The following CSMD3 variants were observed in gnomAD, a reference collection of about 807,000 sequenced individuals.
CSMD3 encodes the protein CUB and Sushi multiple domains 3, also known as CUB and sushi domain-containing protein 3.
CSMD3 carries 177 observed loss-of-function variants against 435.2 expected under a neutral mutation model. That is an observed-to-expected ratio of 0.41 (90% CI 0.36 to 0.46). The LOEUF is 0.46. CSMD3 is among the 20% of genes least tolerant of loss of function. CSMD3 has a pLI of 0.34. For missense variants in CSMD3, 4,265 were observed against 4,504.6 expected (o/e 0.95, Z 1.52); for synonymous variants, 1,656 against 1,520.5 (o/e 1.09, Z -2.07).
chr8:112,283,716 C>T (rs1008651140), intron 58 of CSMD3, among the ~76,000 whole-genome samples: 6 of 151,464 alleles, frequency 4.0e-5, no homozygotes, highest in African/African-American at 1.5e-4. Flanking sequence ...TTTAGTTAGG[C>T]TTGGTTTTAT....
At chr8:112,286,271 TTATCTAC>T (rs1301810837) in intron 58 of CSMD3, among the ~76,000 whole-genome samples, 1 of 152,160 alleles carries the variant, frequency 6.6e-6, no homozygotes, top group East Asian at 1.9e-4. Flanking sequence ...TAGTCTCCCC[TTATCTAC>T]TATTCTTTCC....
At chr8:112,552,284 G>A (rs2131198573) in intron 26 of CSMD3, among the ~76,000 whole-genome samples, 1 of 151,962 alleles carries the variant, frequency 6.6e-6, no homozygotes, top group Admixed American at 6.6e-5. Context: ...CCAACATTTT[G>A]AGACCAGCCT....
chr8:113,094,759 A>T (rs1285549929), intron 5 of CSMD3, among the ~76,000 whole-genome samples: 1 of 152,154 alleles, frequency 6.6e-6, no homozygotes, highest in Non-Finnish European at 1.5e-5. Flanking sequence ...ATTGTTACAA[A>T]TTATATAAAT....
At chr8:112,846,564 A>C (rs2080326688) in intron 11 of CSMD3, among the ~76,000 whole-genome samples, 1 of 151,706 alleles carries the variant, frequency 6.6e-6, no homozygotes, top group East Asian at 1.9e-4. Context: ...CACCATGCCC[A>C]CTTGGTTAAT....
intron 1 of CSMD3, among the ~76,000 whole-genome samples, chr8:113,420,295 C>T (rs569066271): frequency 6.6e-6 from 1 of 152,038 alleles, no homozygotes; most frequent in Admixed American, 6.6e-5. Flanking sequence ...TTCTCATATG[C>T]ACTTACTAAA....
At chr8:112,852,958 G>A (rs1423597551) in intron 11 of CSMD3, among the ~76,000 whole-genome samples, 1 of 151,578 alleles carries the variant, frequency 6.6e-6, no homozygotes, top group Non-Finnish European at 1.5e-5. Context: ...AGCAAGTGTT[G>A]TTCTGATTAT....
At chr8:112,311,861 G>C (rs574816600) in intron 49 of CSMD3, among the ~76,000 whole-genome samples, 8 of 152,104 alleles carry the variant, frequency 5.3e-5, no homozygotes, top group Non-Finnish European at 1.0e-4. Flanking sequence ...ATTCATCTGA[G>C]AAAAATGGGG....
At chr8:113,145,157 T>C (rs2091643835) in intron 4 of CSMD3, among the ~76,000 whole-genome samples, 1 of 151,328 alleles carries the variant, frequency 6.6e-6, no homozygotes, top group Non-Finnish European at 1.5e-5. Flanking sequence ...GGAGTGGGTG[T>C]TGGGGAGTGG....
intron 11 of CSMD3, 138 bp from the exon 12 acceptor site, chr8:112,829,927 A>AC (rs1426753020): frequency 1.8e-5 from 9 of 509,468 alleles, no homozygotes; most frequent in African/African-American, 2.2e-5. Flanking sequence ...ACACACACAC[A>AC]AGCAGTTCAA....
intron 1 of CSMD3, among the ~76,000 whole-genome samples, chr8:113,331,628 A>G (rs2094028356): frequency 6.6e-6 from 1 of 151,812 alleles, no homozygotes; most frequent in African/African-American, 2.4e-5. Flanking sequence ...TAAACCTAAC[A>G]TTCTGAAATC....
intron 45 of CSMD3, among the ~76,000 whole-genome samples, chr8:112,327,689 T>C (rs907969771): frequency 6.6e-6 from 1 of 152,198 alleles, no homozygotes; most frequent in South Asian, 2.1e-4. Flanking sequence ...CACCATTTGC[T>C]ATCTAACAAC....
chr8:113,133,186 G>T (rs2091328181), intron 4 of CSMD3, among the ~76,000 whole-genome samples: 1 of 151,966 alleles, frequency 6.6e-6, no homozygotes. Flanking sequence ...TTGATAACAA[G>T]AGTTTTTAAA....
chr8:112,724,552 C>T (rs1489534862), intron 13 of CSMD3, among the ~76,000 whole-genome samples: 1 of 151,972 alleles, frequency 6.6e-6, no homozygotes, highest in African/African-American at 2.4e-5. Flanking sequence ...CTAGGGAAAG[C>T]AGTTTGGTAA....
chr8:112,650,486 G>A lies in CSMD3; in HGVS notation c.3005-137C>T, dbSNP rs2075097723. On this transcript the variant is annotated intron_variant, in intron 18 of 70. Coordinates refer to ENST00000297405, the MANE Select transcript of CSMD3 (RefSeq NM_198123.2). ...TACTCGTACTTCATTTTTAAAATCA[G>A]CAATTTATTTAATAAATTTGTTTTC... 5 of 739,068 alleles carry A rather than the reference G, an allele frequency of 6.8e-6. No individual in the cohort carries two copies. In the East Asian group the frequency reaches 1.4e-4, roughly 20 times the overall value. The allele number at this position is 739,068 out of a possible 1,614,324, so 45.8% of individuals were successfully genotyped here.
intron 52 of CSMD3, among the ~76,000 whole-genome samples, chr8:112,302,293 A>T (rs2130762710): frequency 6.6e-6 from 1 of 151,728 alleles, no homozygotes; most frequent in Non-Finnish European, 1.5e-5. Context: ...AGAGATGATA[A>T]TTCATTAATC....
At chr8:112,645,250 T>C (rs2074947504) in intron 19 of CSMD3, 25 bp from the exon 20 acceptor site, 1 of 1,212,408 alleles carries the variant, frequency 8.2e-7, no homozygotes, top group Admixed American at 1.7e-5. Context: ...AACAGATCCA[T>C]GTGATCAGCA....
chr8:112,527,405 T>G (rs1825087745), intron 27 of CSMD3, among the ~76,000 whole-genome samples: 1 of 151,764 alleles, frequency 6.6e-6, no homozygotes, highest in African/African-American at 2.4e-5. Flanking sequence ...TGTATGCAGC[T>G]CATAACATAT....
At chr8:112,568,263 C>T (rs1829218068) in intron 24 of CSMD3, among the ~76,000 whole-genome samples, 2 of 152,016 alleles carry the variant, frequency 1.3e-5, no homozygotes, top group South Asian at 4.1e-4. Context: ...CTTGACAACG[C>T]TAAAGATGAA....
rs2130110134 is a variant in CSMD3 at position 112,244,451 on chromosome 8, C to G, written c.10345G>C (p.Glu3449Gln). The G allele has an allele frequency of 3.1e-6, 5 of 1,613,918 alleles. No individual in the cohort carries two copies. Among genetic ancestry groups the G allele is most frequent in the Non-Finnish European group, 4.2e-6 (5 of 1,179,856 alleles). ...QPGFFLAGGT[E>Q]HRVCRSDNTW... ...TTATCGGATCTACACACTCTATGTT[C>G]TGTTCCACCTGCTAAGAAGAAGCCA... The change falls in exon 65 of 71, where the codon GAA (glutamate) becomes CAA (glutamine). Residue 3449 changes from glutamate to glutamine, a missense_variant. This residue lies in a region of CSMD3 where 3,255 missense variants were observed against 3,380.2 expected (regional missense o/e 0.96). Coordinates refer to ENST00000297405, the MANE Select transcript of CSMD3 (RefSeq NM_198123.2).
Sources: gnomAD v4.1 joint callset for allele counts (sites outside exome capture counted in the v4.1 genomes callset) on GRCh38, gnomAD v4.1.1 for gene constraint, gnomAD v4.1.1 regional missense constraint, MANE v1.5 for transcripts, NCBI Gene and HGNC (gene_info 2026-07-23, HGNC 2026-07-21) for gene names.